ING2: variants seen among roughly 807,000 people sequenced by gnomAD.
ING2 encodes inhibitor of growth family member 2.
A neutral mutation model predicts 30.6 loss-of-function variants in ING2; 7 were observed. The ratio of observed to expected loss-of-function variants is 0.23; its 90% confidence interval spans 0.13 to 0.43. The LOEUF is 0.43. Ranked by LOEUF, ING2 falls within the 20% of genes least tolerant of loss-of-function variation. The probability of loss-of-function intolerance (pLI) is 1.00; values close to 1 mark genes in which losing one functional copy is unlikely to be tolerated. For missense variants in ING2, 239 were observed against 334.9 expected (o/e 0.71, Z 2.24); for synonymous variants, 136 against 121.7 (o/e 1.12, Z -0.78).
chr4:183,508,052 G>A (rs570733449), intron 1 of ING2, among the ~76,000 whole-genome samples: 17 of 151,996 alleles, frequency 1.1e-4, no homozygotes, highest in South Asian at 6.2e-4. Context: ...CTTACACTGC[G>A]AGGTCAGACA....
chr4:183,506,070 T>A, intron 1 of ING2: 2 of 1,143,758 alleles, frequency 1.7e-6, no homozygotes, highest in Non-Finnish European at 2.2e-6. Flanking sequence ...GCCTGCGGGC[T>A]TGACGAGGGG....
chr4:183,509,758 G>C (rs10034997), intron 1 of ING2, among the ~76,000 whole-genome samples: 1 of 125,206 alleles, frequency 8.0e-6, no homozygotes, highest in South Asian at 2.6e-4. Context: ...TTTTGAGATG[G>C]AGTTTTGCTC....
In ING2 at chr4:183,506,148, G is replaced by A. The variant is rs544291383; in HGVS notation, c.172+781G>A. On this transcript the variant is annotated intron_variant, in intron 1 of 1. Transcript: ENST00000302327. ...GGCTGGTCGCGAGAGGGGCGGTGGC[G>A]AGCTGGCTGCTGGGGAGGGAGTCGG... is the stretch of plus-strand genomic sequence containing the variant. The A allele has an allele frequency of 4.4e-5, 56 of 1,259,546 alleles. No individual in the cohort carries two copies. In the African/African-American group the frequency reaches 8.0e-4, roughly 18 times the overall value. The allele number at this position is 1,259,546 out of a possible 1,614,324, so 78.0% of individuals were successfully genotyped here.
Position 183,512,121 on chromosome 4 carries a change from G to A in ING2, c.*1169G>A, listed in dbSNP as rs1436417653. 2.6e-5 allele frequency among the ~76,000 whole-genome samples: 4 copies of A among 152,238 alleles called. No homozygotes were observed. Among genetic ancestry groups the A allele is most frequent in the South Asian group, 4.1e-4 (2 of 4,822 alleles). ...TTTAGAGAAGGTTTTGGTTTTGGGGGCAGCAGATTGACTAGTTCTTTAAAT... is the reference window on the plus strand; with the variant it reads ...TTTAGAGAAGGTTTTGGTTTTGGGGACAGCAGATTGACTAGTTCTTTAAAT... On this transcript the variant is annotated 3_prime_UTR_variant, in exon 2 of 2. Transcript: ENST00000302327.
rs767726550 is a variant in ING2, at chr4:183,510,724, T to C, written c.615T>C (p.Phe205=). 28 of 1,614,232 alleles carry C rather than the reference T, an allele frequency of 1.7e-5. No individual in the cohort carries two copies. Among genetic ancestry groups the C allele is most frequent in the Admixed American group, 1.0e-4 (6 of 60,028 alleles). The change falls in exon 2 of 2, where the codon TTT becomes TTC. Residue 205 remains phenylalanine (F), a synonymous_variant. Coordinates refer to ENST00000302327, the MANE Select transcript of ING2 (RefSeq NM_001564.4). Reference sequence around the variant, plus strand: ...AAAGGGAAGCTTCACCTGTTGAGTTTGCAATAGATCCTAATGAACCTACAT... The same window carrying C: ...AAAGGGAAGCTTCACCTGTTGAGTTCGCAATAGATCCTAATGAACCTACAT... ...KQEREASPVE[F]AIDPNEPTYC...
intron 1 of ING2, chr4:183,506,188 G>C (rs1354074251): frequency 7.7e-7 from 1 of 1,297,042 alleles, no homozygotes; most frequent in African/African-American, 1.5e-5. Context: ...GTGCGGGGGC[G>C]TTGGTTCGGC....
intron 1 of ING2, chr4:183,506,033 G>C: frequency 9.5e-7 from 1 of 1,054,124 alleles, no homozygotes; most frequent in South Asian, 1.9e-5. Context: ...CGTGTGTGGC[G>C]GGGAGGGCCC....
At chr4:183,509,734 CTTT>C (rs35064658) in intron 1 of ING2, among the ~76,000 whole-genome samples, 6 of 116,060 alleles carry the variant, frequency 5.2e-5, no homozygotes, top group Middle Eastern at 6.5e-3. Context: ...CGCGCCTGGC[CTTT>C]TTTTTTTTTT....
rs3193677 is a variant in ING2 at position 183,510,904 on chromosome 4, A to G, written c.795A>G (p.Thr265=). The G allele has an allele frequency of 6.2e-7, 1 of 1,609,770 alleles. No homozygotes were observed. The highest frequency in any genetic ancestry group is 8.5e-7 in the Non-Finnish European group (1 of 1,176,756). ...AGTGCAGGGGAGATAATGAGAAAAC[A>G]ATGGACAAAAGTACTGAAAAGACAA... The part of the protein sequence containing the change: ...CPKCRGDNEK[T]MDKSTEKTKK... The change falls in exon 2 of 2, where the codon ACA becomes ACG. Residue 265 remains threonine, a synonymous_variant. Coordinates refer to ENST00000302327, the MANE Select transcript of ING2 (RefSeq NM_001564.4).
At chr4:183,505,923 C>G (rs1305124741) in intron 1 of ING2, among the ~76,000 whole-genome samples, 2 of 152,068 alleles carry the variant, frequency 1.3e-5, no homozygotes, top group Admixed American at 6.5e-5. Context: ...TCTCTCGCCC[C>G]GGGAAAGTTC....
intron 1 of ING2, chr4:183,505,971 C>A (rs1390545642): frequency 3.4e-6 from 2 of 592,718 alleles, no homozygotes; most frequent in Non-Finnish European, 4.6e-6. Flanking sequence ...CCAGTTCTTT[C>A]GGCAAAATGG....
rs767449594 is a variant in ING2 at position 183,510,303 on chromosome 4, A to G, written c.194A>G (p.Asp65Gly). Residue 65 changes from aspartate to glycine, a missense_variant, in exon 2 of 2, where the codon GAT (aspartate) becomes GGT (glycine). Physicochemically the swap from Asp to Gly is moderately conservative, Grantham distance 94 (BLOSUM62 -1). This residue lies in a region of ING2 where 80 missense variants were observed against 102.4 expected (regional missense o/e 0.78). Coordinates refer to ENST00000302327, the MANE Select transcript of ING2 (RefSeq NM_001564.4). ...TTAGAAACGTTAAAGGAAATTGATG[A>G]TGTCTACGAAAAATATAAGAAAGAA... is the stretch of plus-strand genomic sequence containing the variant. ...KYQETLKEID[D>G]VYEKYKKEDD... 1 of 1,584,922 alleles carries G rather than the reference A, an allele frequency of 6.3e-7. No homozygotes were observed. Among genetic ancestry groups the G allele is most frequent in the Non-Finnish European group, 8.5e-7 (1 of 1,169,760 alleles).
At chr4:183,505,764 G>C (rs761820835) in intron 1 of ING2, among the ~76,000 whole-genome samples, 1 of 152,128 alleles carries the variant, frequency 6.6e-6, no homozygotes, top group Non-Finnish European at 1.5e-5. Flanking sequence ...CTGGTCTGCG[G>C]GGCGCGCTTC....
chr4:183,508,201 G>A (rs1734723559), intron 1 of ING2, among the ~76,000 whole-genome samples: 2 of 151,938 alleles, frequency 1.3e-5, no homozygotes, highest in South Asian at 2.1e-4. Flanking sequence ...AAGGGGCTGA[G>A]TAAATGTTAA....
intron 1 of ING2, among the ~76,000 whole-genome samples, chr4:183,507,855 CTT>C (rs1459553715): frequency 6.6e-6 from 1 of 152,038 alleles, no homozygotes; most frequent in African/African-American, 2.4e-5. Context: ...TGCTGAAAAA[CTT>C]ATAAAATGAG....
intron 1 of ING2, 65 bp downstream of exon 1, chr4:183,505,432 C>T (rs1734612395): frequency 1.4e-6 from 2 of 1,397,502 alleles, no homozygotes; most frequent in Non-Finnish European, 1.9e-6. Context: ...GGGAGTGCCA[C>T]CTTCCCTTTC....
At chr4:183,506,117 G>T in intron 1 of ING2, 1 of 1,221,536 alleles carries the variant, frequency 8.2e-7, no homozygotes, top group Non-Finnish European at 1.1e-6. Context: ...CGCGGGCCTG[G>T]AAAATGGCTG....
intron 1 of ING2, among the ~76,000 whole-genome samples, chr4:183,507,588 A>G (rs1734681720): frequency 6.6e-6 from 1 of 152,226 alleles, no homozygotes; most frequent in Admixed American, 6.5e-5. Context: ...GAGAGATTAT[A>G]CAAATTCTTA....
At chr4:183,510,139 T>C (rs1734788574) in intron 1 of ING2, 143 bp from the exon 2 acceptor site, 1 of 595,204 alleles carries the variant, frequency 1.7e-6, no homozygotes, top group East Asian at 2.9e-5. Flanking sequence ...TTGTATGAAA[T>C]AGTTTTTAAT....
Sources: allele counts gnomAD v4.1 joint callset (sites outside exome capture counted in the v4.1 genomes callset), GRCh38; gene constraint gnomAD v4.1.1; regional missense constraint gnomAD v4.1.1; transcripts MANE v1.5; gene names NCBI Gene and HGNC (gene_info 2026-07-23, HGNC 2026-07-21).